Variants in DYTN observed in about 807,000 individuals in gnomAD.
DYTN encodes dystrotelin.
In DYTN, 75 loss-of-function variants were observed where a neutral mutation model predicts 69.6. That is an observed-to-expected ratio of 1.08 (90% CI 0.89 to 1.31). The LOEUF is 1.31. Ranked by LOEUF, DYTN falls within the 50% of genes most tolerant of loss-of-function variation. DYTN has a pLI of 0.00. For synonymous variants in DYTN, 252 were observed against 249.1 expected, an observed-to-expected ratio of 1.01 and a Z score of -0.11; for missense variants, 726 against 688.4, an observed-to-expected ratio of 1.05 and a Z score of -0.61.
At chr2:206,655,961 C>T (rs145069213) in intron 11 of DYTN, among the ~76,000 whole-genome samples, 6 of 152,238 alleles carry the variant, frequency 3.9e-5, no homozygotes, top group African/African-American at 1.4e-4. Flanking sequence ...ATATTCTGCA[C>T]TATTGGGTGA....
intron 5 of DYTN, chr2:206,700,933 A>G (rs1325253229): frequency 6.6e-6 from 1 of 152,258 alleles, no homozygotes; most frequent in Non-Finnish European, 1.5e-5. Flanking sequence ...CCTGCAAAGG[A>G]CATGAACTCA....
chr2:206,684,537 T>G (rs930459041), intron 9 of DYTN, among the ~76,000 whole-genome samples: 1 of 152,174 alleles, frequency 6.6e-6, no homozygotes, highest in Non-Finnish European at 1.5e-5. Flanking sequence ...ATTCCTGGCC[T>G]CAAGTGATCC....
chr2:206,675,672 C>CA (rs1161282309), intron 9 of DYTN, among the ~76,000 whole-genome samples: 1 of 152,088 alleles, frequency 6.6e-6, no homozygotes, highest in East Asian at 1.9e-4. Context: ...CAAAGCTAAC[C>CA]AAAATACTAA....
At chr2:206,679,838 C>T (rs151101884) in intron 9 of DYTN, among the ~76,000 whole-genome samples, 54 of 152,314 alleles carry the variant, frequency 3.5e-4, no homozygotes, top group Admixed American at 1.2e-3. Context: ...GGGTGACCCA[C>T]AGTTTCTTTG....
intron 2 of DYTN, among the ~76,000 whole-genome samples, chr2:206,709,770 T>A (rs1700062687): frequency 6.6e-6 from 1 of 152,228 alleles, no homozygotes; most frequent in Non-Finnish European, 1.5e-5. Flanking sequence ...AGAAATCATT[T>A]TACGTGAAGT....
chr2:206,714,360 G>T (rs754515269), intron 1 of DYTN, among the ~76,000 whole-genome samples: 1 of 152,202 alleles, frequency 6.6e-6, no homozygotes, highest in Middle Eastern at 3.4e-3. Flanking sequence ...ACACCACCAC[G>T]CCCGGCTAAT....
chr2:206,695,403 A>G (rs1453561570), intron 7 of DYTN, among the ~76,000 whole-genome samples: 2 of 152,178 alleles, frequency 1.3e-5, no homozygotes, highest in African/African-American at 2.4e-5. Flanking sequence ...AAAAATAAGC[A>G]CTCGTCATTT....
intron 11 of DYTN, among the ~76,000 whole-genome samples, chr2:206,656,855 C>G (rs921705231): frequency 6.6e-6 from 1 of 151,624 alleles, no homozygotes; most frequent in Non-Finnish European, 1.5e-5. Context: ...CTCTGCCTCC[C>G]GGGTTCAAGT....
chr2:206,652,004 G>A (rs1699393673), intron 11 of DYTN, 83 bp from the exon 12 acceptor site: 1 of 1,250,462 alleles, frequency 8.0e-7, no homozygotes, highest in East Asian at 2.4e-5. Context: ...CTCACATGGA[G>A]AAGAAACAGA....
intron 11 of DYTN, among the ~76,000 whole-genome samples, chr2:206,658,888 G>C (rs1699476166): frequency 6.7e-6 from 1 of 150,124 alleles, no homozygotes; most frequent in African/African-American, 2.4e-5. Context: ...AAAAAGGATG[G>C]AAAAAGAAGC....
In DYTN at chr2:206,694,821, C is replaced by T. The variant is rs376294616; in HGVS notation, c.776G>A (p.Gly259Asp). The T allele has an allele frequency of 6.2e-6, 10 of 1,610,338 alleles. No individual in the cohort carries two copies. Among genetic ancestry groups the T allele is most frequent in the Non-Finnish European group, 8.5e-6 (10 of 1,178,866 alleles). ...CTTCTGATGGGACTTGCTGTGAAGA[C>T]CAGATAAGAAACACATCTGGCAGAT... ...FDICQMCFLS[G>D]LHSKSHQKSH... is the part of the protein sequence containing the mutation. The change falls in exon 8 of 12, where the codon GGT becomes GAT. Residue 259 changes from glycine to aspartate, a missense_variant. Physicochemically the swap from Gly to Asp is moderately conservative, Grantham distance 94 (BLOSUM62 -1). Transcript: ENST00000452335.
In DYTN at chr2:206,699,260, C is replaced by A. The variant is rs1231011331; in HGVS notation, c.719+467G>T. Among the ~76,000 whole-genome samples the A allele has an allele frequency of 1.3e-5, 2 of 152,060 alleles. 1 individual carries two copies. The highest frequency in any genetic ancestry group is 2.9e-5 in the Non-Finnish European group (2 of 68,002). On this transcript the variant is annotated intron_variant, in intron 7 of 11. Transcript: ENST00000452335. ...ACCAGTGTGGGCAACACAATAAGAT[C>A]CCATCTCTACAAAAAATAGAAAATT... is the stretch of plus-strand genomic sequence containing the variant.
chr2:206,689,453 T>C (rs1699842213), intron 9 of DYTN, among the ~76,000 whole-genome samples: 1 of 152,212 alleles, frequency 6.6e-6, no homozygotes, highest in Non-Finnish European at 1.5e-5. Flanking sequence ...CTCATCAAAG[T>C]CTAGGGTACA....
intron 9 of DYTN, among the ~76,000 whole-genome samples, chr2:206,667,803 T>C (rs1420613489): frequency 6.6e-6 from 1 of 152,082 alleles, no homozygotes; most frequent in Non-Finnish European, 1.5e-5. Flanking sequence ...ATTGTCTAAA[T>C]AAAGTAATTT....
At chr2:206,705,749 C>T (rs1193557312) in intron 4 of DYTN, 39 bp downstream of exon 4, 5 of 1,594,370 alleles carry the variant, frequency 3.1e-6, no homozygotes, top group Non-Finnish European at 4.3e-6. Flanking sequence ...ATTTGGGGCT[C>T]ACTGCACTTT....
At position 206,666,467 on chromosome 2, in the gene DYTN, C is replaced by T. The variant is rs13401074; in HGVS notation, c.981-438G>A. On this transcript the variant is annotated intron_variant, in intron 9 of 11. Coordinates refer to ENST00000452335, the MANE Select transcript of DYTN (RefSeq NM_001093730.1). ...TAGAAGTATTTCAGAAAACTCACCA[C>T]GCATATTACAGATTACTTTTGACAG... Among the ~76,000 whole-genome samples, 420 of 152,198 alleles carry T rather than the reference C, an allele frequency of 2.8e-3. 3 individuals are homozygous for T. The highest frequency in any genetic ancestry group is 9.5e-3 in the African/African-American group (393 of 41,522).
intron 10 of DYTN, 119 bp from the exon 11 acceptor site, chr2:206,663,514 T>A: frequency 9.3e-7 from 1 of 1,075,436 alleles, no homozygotes; most frequent in Non-Finnish European, 1.3e-6. Context: ...TTCTCCTCTG[T>A]AAATATATTA....
At chr2:206,657,821 T>A (rs1699466882) in intron 11 of DYTN, among the ~76,000 whole-genome samples, 1 of 152,226 alleles carries the variant, frequency 6.6e-6, no homozygotes, top group Admixed American at 6.5e-5. Flanking sequence ...AATTTGGTTA[T>A]AATGTGTCTC....
chr2:206,680,959 T>C (rs755956193), intron 9 of DYTN, among the ~76,000 whole-genome samples: 9 of 152,244 alleles, frequency 5.9e-5, no homozygotes, highest in African/African-American at 1.2e-4. Context: ...TTTGAATCTA[T>C]ACTTTGGACA....
Sources: gnomAD v4.1 joint callset for allele counts (sites outside exome capture counted in the v4.1 genomes callset) on GRCh38, gnomAD v4.1.1 for gene constraint, MANE v1.5 for transcripts, NCBI Gene and HGNC (gene_info 2026-07-23, HGNC 2026-07-21) for gene names.